The following EXOC6B variants were observed in gnomAD, a reference collection of about 807,000 sequenced individuals.
The protein encoded by EXOC6B is exocyst complex component 6B.
Under a neutral mutation model 113.5 loss-of-function variants are expected in EXOC6B, and 54 were observed. The ratio of observed to expected loss-of-function variants is 0.48; its 90% CI spans 0.38 to 0.60. EXOC6B has a LOEUF of 0.60. Ranked by LOEUF, EXOC6B falls within the 20% of genes least tolerant of loss-of-function variation. EXOC6B has a pLI of 0.00. For missense variants in EXOC6B, 797 were observed against 977.5 expected, an observed-to-expected ratio of 0.82 and a Z score of 2.46; for synonymous variants, 357 against 339.0, an observed-to-expected ratio of 1.05 and a Z score of -0.58.
At chr2:72,724,524 A>G (rs1444180774) in intron 5 of EXOC6B, among the ~76,000 whole-genome samples, 1 of 152,166 alleles carries the variant, frequency 6.6e-6, no homozygotes, top group East Asian at 1.9e-4. Flanking sequence ...CCAGAGACTC[A>G]TCAACATAAT....
intron 18 of EXOC6B, among the ~76,000 whole-genome samples, chr2:72,443,363 A>G (rs975009981): frequency 8.6e-5 from 13 of 151,862 alleles, no homozygotes; most frequent in African/African-American, 2.7e-4. Context: ...CACTTAGAAA[A>G]ATGAAACAGA....
Position 72,177,088 on chromosome 2 carries a change from G to C in EXOC6B, c.*2247C>G, listed in dbSNP as rs1677778610. ...CTGCATGTTGTTTTTTGTTAGATAA[G>C]GTGAAGGCAGACTAAGAATGGAGAG... On this transcript the variant is annotated 3_prime_UTR_variant, in exon 22 of 22. Coordinates refer to ENST00000272427, the MANE Select transcript of EXOC6B (RefSeq NM_015189.3). 1 of 152,084 alleles carries C rather than the reference G, an allele frequency of 6.6e-6. No homozygotes were observed. The highest frequency in any genetic ancestry group is 1.5e-5 in the Non-Finnish European group (1 of 68,016). The allele number at this position is 152,084 out of a possible 1,614,324, so 9.4% of individuals were successfully genotyped here.
intron 6 of EXOC6B, among the ~76,000 whole-genome samples, chr2:72,580,351 C>T (rs1341256226): frequency 1.3e-5 from 2 of 151,882 alleles, no homozygotes; most frequent in Non-Finnish European, 2.9e-5. Flanking sequence ...CCATGTTGGC[C>T]AGGCTGGTCT....
intron 18 of EXOC6B, chr2:72,463,135 C>T (rs555832898): frequency 2.0e-5 from 3 of 152,092 alleles, no homozygotes; most frequent in South Asian, 4.1e-4. Flanking sequence ...GGAATAAATC[C>T]TACACACTAG....
intron 20 of EXOC6B, among the ~76,000 whole-genome samples, chr2:72,189,213 C>A (rs528960861): frequency 2.0e-5 from 3 of 152,198 alleles, no homozygotes; most frequent in Non-Finnish European, 4.4e-5. Flanking sequence ...TTCCTTTAAT[C>A]TGGAATATTT....
At chr2:72,229,087 T>A (rs1681444144) in intron 20 of EXOC6B, among the ~76,000 whole-genome samples, 1 of 152,230 alleles carries the variant, frequency 6.6e-6, no homozygotes. Flanking sequence ...TCTGTTCATA[T>A]CCTTCACCCA....
intron 6 of EXOC6B, among the ~76,000 whole-genome samples, chr2:72,635,062 A>G (rs958378519): frequency 6.6e-6 from 1 of 152,156 alleles, no homozygotes; most frequent in Non-Finnish European, 1.5e-5. Context: ...GGATATAGCT[A>G]ATGCAAGGAG....
intron 6 of EXOC6B, among the ~76,000 whole-genome samples, chr2:72,616,760 C>G (rs1671408874): frequency 6.6e-6 from 1 of 152,066 alleles, no homozygotes; most frequent in Admixed American, 6.6e-5. Context: ...GGTGGGGACA[C>G]AGAGCCAAAC....
At chr2:72,770,170 T>C (rs1240104606) in intron 1 of EXOC6B, among the ~76,000 whole-genome samples, 1 of 152,078 alleles carries the variant, frequency 6.6e-6, no homozygotes, top group Non-Finnish European at 1.5e-5. Context: ...AGACTGAATA[T>C]ATTTAACTGC....
At chr2:72,422,721 G>A (rs1180671026) in intron 18 of EXOC6B, among the ~76,000 whole-genome samples, 2 of 152,032 alleles carry the variant, frequency 1.3e-5, no homozygotes, top group East Asian at 1.9e-4. Context: ...AGCACCCAGT[G>A]TTTAGCTCAA....
At chr2:72,741,184 T>A in intron 2 of EXOC6B, 120 bp downstream of exon 2, 1 of 1,006,264 alleles carries the variant, frequency 9.9e-7, no homozygotes, top group Admixed American at 2.7e-5. Flanking sequence ...TAAATTCCTT[T>A]CTAATTATAC....
intron 18 of EXOC6B, among the ~76,000 whole-genome samples, chr2:72,430,109 A>G (rs1349251855): frequency 3.9e-5 from 6 of 152,242 alleles, no homozygotes; most frequent in Non-Finnish European, 8.8e-5. Context: ...AAAGCCACAT[A>G]CAACTAAAGA....
chr2:72,759,253 A>C (rs575444031), intron 1 of EXOC6B, among the ~76,000 whole-genome samples: 1 of 152,386 alleles, frequency 6.6e-6, no homozygotes, highest in South Asian at 2.1e-4. Flanking sequence ...CCTGGCATAC[A>C]GAAAGCATTC....
At chr2:72,602,396 C>T (rs184558348) in intron 6 of EXOC6B, among the ~76,000 whole-genome samples, 212 of 152,232 alleles carry the variant, frequency 1.4e-3, no homozygotes, top group African/African-American at 5.0e-3. Context: ...CCAACATACT[C>T]CACGTGAGAA....
chr2:72,516,731 C>T (rs1402007775), intron 8 of EXOC6B, among the ~76,000 whole-genome samples: 1 of 152,094 alleles, frequency 6.6e-6, no homozygotes, highest in African/African-American at 2.4e-5. Flanking sequence ...AATTTAAGTT[C>T]CACTATTTAA....
chr2:72,814,434 T>C (rs1467288830), intron 1 of EXOC6B, among the ~76,000 whole-genome samples: 1 of 152,220 alleles, frequency 6.6e-6, no homozygotes, highest in Non-Finnish European at 1.5e-5. Context: ...AAGTTCAAAG[T>C]GCATGTCAAT....
chr2:72,227,794 C>T (rs747965445), intron 20 of EXOC6B, among the ~76,000 whole-genome samples: 8 of 152,104 alleles, frequency 5.3e-5, no homozygotes, highest in Non-Finnish European at 1.2e-4. Context: ...TTCTTTTTAA[C>T]AAGAGTCTTT....
intron 8 of EXOC6B, among the ~76,000 whole-genome samples, chr2:72,523,350 C>T (rs1341939522): frequency 6.6e-6 from 1 of 152,158 alleles, no homozygotes; most frequent in East Asian, 1.9e-4. Flanking sequence ...TTATTGAGCT[C>T]CATGCCTCTA....
At chr2:72,405,745 A>C (rs11885197) in intron 18 of EXOC6B, among the ~76,000 whole-genome samples, 2,150 of 152,332 alleles carry the variant, frequency 0.014, 67 homozygotes, top group African/African-American at 0.049. Context: ...CCACTGCAAA[A>C]ACATGCCAAA....
Sources: allele counts gnomAD v4.1 joint callset (sites outside exome capture counted in the v4.1 genomes callset), GRCh38; gene constraint gnomAD v4.1.1; transcripts MANE v1.5; gene names NCBI Gene and HGNC (gene_info 2026-07-23, HGNC 2026-07-21).